USP37: variants seen among roughly 807,000 people sequenced by gnomAD.
USP37 encodes the protein ubiquitin specific peptidase 37.
A neutral mutation model predicts 124.0 loss-of-function variants in USP37; 27 were observed. The ratio of observed to expected loss-of-function variants is 0.22; its 90% CI spans 0.16 to 0.30. The LOEUF (loss-of-function observed/expected upper bound fraction) is 0.30. Among genes scored for constraint, USP37 ranks in the 10% least tolerant of loss-of-function variants. The probability of loss-of-function intolerance (pLI) is 1.00; values close to 1 mark genes in which losing one functional copy is unlikely to be tolerated. For missense variants in USP37, 889 were observed against 1,140.4 expected (o/e 0.78, Z 3.17); for synonymous variants, 365 against 388.0 (o/e 0.94, Z 0.70).
intron 10 of USP37, among the ~76,000 whole-genome samples, chr2:218,519,280 T>A (rs1437014019): frequency 6.6e-6 from 1 of 152,222 alleles, no homozygotes. Context: ...ATTTATTATG[T>A]CAATCATCTA....
At chr2:218,462,179 T>C (rs905484120) in intron 22 of USP37, among the ~76,000 whole-genome samples, 1 of 150,640 alleles carries the variant, frequency 6.6e-6, no homozygotes, top group Non-Finnish European at 1.5e-5. Flanking sequence ...AAAAAAAAAT[T>C]AAAAAATTAG....
chr2:218,501,991 G>A (rs1320672379), intron 11 of USP37, among the ~76,000 whole-genome samples: 1 of 152,154 alleles, frequency 6.6e-6, no homozygotes, highest in Non-Finnish European at 1.5e-5. Context: ...GAGAGACCTA[G>A]ATGAATTCAC....
chr2:218,467,782 C>A (rs1690435031), intron 20 of USP37, among the ~76,000 whole-genome samples: 1 of 152,006 alleles, frequency 6.6e-6, no homozygotes, highest in Non-Finnish European at 1.5e-5. Flanking sequence ...CCCCTCCCGG[C>A]CTGTTCCTTC....
At chr2:218,538,039 T>C (rs1037211507) in intron 8 of USP37, among the ~76,000 whole-genome samples, 2 of 152,122 alleles carry the variant, frequency 1.3e-5, no homozygotes, top group Non-Finnish European at 2.9e-5. Context: ...GAAGCAGGTA[T>C]ATTGGAATTG....
chr2:218,463,480 T>C, intron 21 of USP37, 114 bp from the exon 22 acceptor site: 1 of 832,254 alleles, frequency 1.2e-6, no homozygotes, highest in Non-Finnish European at 1.9e-6. Flanking sequence ...TTCTATAACC[T>C]TATGGATGTT....
At chr2:218,511,818 C>G (rs1481220058) in intron 10 of USP37, among the ~76,000 whole-genome samples, 1 of 141,062 alleles carries the variant, frequency 7.1e-6, no homozygotes, top group East Asian at 2.0e-4. Context: ...TTTTTTGTAT[C>G]TCGTTTAAGA....
intron 4 of USP37, among the ~76,000 whole-genome samples, chr2:218,554,232 A>G (rs963026793): frequency 6.6e-6 from 1 of 152,232 alleles, no homozygotes; most frequent in Non-Finnish European, 1.5e-5. Flanking sequence ...GAGGAAAAAA[A>G]CTAGTTTCAT....
chr2:218,490,126 C>T (rs370651386), intron 14 of USP37, among the ~76,000 whole-genome samples: 5 of 152,016 alleles, frequency 3.3e-5, no homozygotes, highest in African/African-American at 1.2e-4. Context: ...CCGAGGTGGG[C>T]GGATCACGAG....
At position 218,549,917 on chromosome 2, in the gene USP37, C is replaced by T; in HGVS notation, c.329-8G>A. ...CCTGAGACGGTTTCATGGCTGGTGA[C>T]CAAAAATATAATTTTTTTTAAAATC... On this transcript the variant is annotated splice_polypyrimidine_tract_variant and splice_region_variant and intron_variant, in intron 5 of 25. Coordinates refer to ENST00000258399, the MANE Select transcript of USP37 (RefSeq NM_020935.3). The T allele has an allele frequency of 6.3e-7, 1 of 1,576,910 alleles. No homozygotes were observed.
rs776610182 is a variant in USP37 at position 218,452,088 on chromosome 2, G to A, written c.*2842C>T. ...TTTCCAACCTTCAGTACTATTAGGT[G>A]ATTAAAATCAACAAATATGAAGTTT... On this transcript the variant is annotated 3_prime_UTR_variant, in exon 26 of 26. Transcript: ENST00000258399. 1.3e-5 allele frequency: 2 copies of A among 152,502 alleles called. No individual in the cohort carries two copies. Among genetic ancestry groups the A allele is most frequent in the African/African-American group, 2.4e-5 (1 of 41,430 alleles). The allele number at this position is 152,502 out of a possible 1,614,324, so 9.4% of individuals were successfully genotyped here.
In USP37 at chr2:218,452,037, A is replaced by G. The variant is rs568356575; in HGVS notation, c.*2893T>C. The G allele has an allele frequency of 2.6e-5, 4 of 152,630 alleles. No individual in the cohort carries two copies. Among genetic ancestry groups the G allele is most frequent in the Non-Finnish European group, 5.9e-5 (4 of 68,044 alleles). 9.5% of individuals were successfully genotyped at this position (152,630 alleles called of 1,614,324 possible). Reference sequence around the variant, plus strand: ...AATTATAGTCATGGCTATTAAAGAAATTAACAGCATCCAGCCACATGCAAC... The same window carrying G: ...AATTATAGTCATGGCTATTAAAGAAGTTAACAGCATCCAGCCACATGCAAC... On this transcript the variant is annotated 3_prime_UTR_variant, in exon 26 of 26. Transcript: ENST00000258399.
At chr2:218,531,148 A>C (rs959941719) in intron 9 of USP37, among the ~76,000 whole-genome samples, 1 of 152,218 alleles carries the variant, frequency 6.6e-6, no homozygotes, top group African/African-American at 2.4e-5. Context: ...GATGCCATCT[A>C]AGAGTTTCGT....
chr2:218,495,134 C>T (rs540414906), intron 14 of USP37, among the ~76,000 whole-genome samples: 4 of 152,136 alleles, frequency 2.6e-5, no homozygotes, highest in East Asian at 1.9e-4. Flanking sequence ...CACTCTGCCA[C>T]GCGTTTTTGT....
intron 13 of USP37, among the ~76,000 whole-genome samples, chr2:218,496,314 A>G (rs562327140): frequency 2.9e-5 from 4 of 140,256 alleles, no homozygotes; most frequent in Admixed American, 6.9e-5. Flanking sequence ...AAAAAAAACC[A>G]ACAACAAAAA....
At position 218,477,058 on chromosome 2, in the gene USP37, A is replaced by G. The variant is rs367735102; in HGVS notation, c.1902-77T>C. ...TCTTTTATTGTAAAAATATCAAAAC[A>G]AATTGCTTTTCCATTACGGAAAATT... On this transcript the variant is annotated intron_variant, in intron 18 of 25. Coordinates refer to ENST00000258399, the MANE Select transcript of USP37 (RefSeq NM_020935.3). 6 of 1,398,652 alleles carry G rather than the reference A, an allele frequency of 4.3e-6. No individual in the cohort carries two copies. The African/African-American group carries it at 5.9e-5, about 14-fold the overall frequency. The allele number at this position is 1,398,652 out of a possible 1,614,324, so 86.6% of individuals were successfully genotyped here.
At position 218,547,243 on chromosome 2, in the gene USP37, C is replaced by T. The variant is rs994201702; in HGVS notation, c.430-152G>A. On this transcript the variant is annotated intron_variant, in intron 6 of 25. Transcript: ENST00000258399. ...TCCCAGAAAGCGAAGGCGGGAGGAT[C>T]ACTTGAGCTCAATAGTTTGAGGTTA... 13 of 786,986 alleles carry T rather than the reference C, an allele frequency of 1.7e-5. No homozygotes were observed. In the African/African-American group the frequency reaches 1.8e-4, roughly 11 times the overall value. The allele number at this position is 786,986 out of a possible 1,614,324, so 48.8% of individuals were successfully genotyped here. A position where few individuals can be genotyped will look rare whatever the true frequency, so the allele number is the denominator to read the frequency against.
chr2:218,528,618 G>C (rs1691114616), intron 10 of USP37: 1 of 398,412 alleles, frequency 2.5e-6, no homozygotes, highest in African/African-American at 2.1e-5. Context: ...CATTTTTATG[G>C]CTGCATAGTA....
chr2:218,515,515 C>A (rs1469211779), intron 10 of USP37, among the ~76,000 whole-genome samples: 1 of 152,102 alleles, frequency 6.6e-6, no homozygotes, highest in African/African-American at 2.4e-5. Flanking sequence ...AGAAACTGGA[C>A]CCCTTCCTTA....
intron 11 of USP37, among the ~76,000 whole-genome samples, chr2:218,503,445 G>A (rs1381113254): frequency 6.6e-6 from 1 of 152,214 alleles, no homozygotes; most frequent in Non-Finnish European, 1.5e-5. Context: ...GGCTGGGCGC[G>A]GTGGCTCACG....
Sources: allele counts gnomAD v4.1 joint callset (sites outside exome capture counted in the v4.1 genomes callset), GRCh38; gene constraint gnomAD v4.1.1; transcripts MANE v1.5; gene names NCBI Gene and HGNC (gene_info 2026-07-23, HGNC 2026-07-21).